The following CACNA1E variants were observed in gnomAD, a reference collection of about 807,000 sequenced individuals.
CACNA1E encodes the protein voltage-dependent R-type calcium channel subunit alpha-1E.
Under a neutral mutation model 259.2 loss-of-function variants are expected in CACNA1E, and 40 were observed. The ratio of observed to expected loss-of-function variants is 0.15; its 90% CI spans 0.12 to 0.20. CACNA1E has a LOEUF of 0.20. Among genes scored for constraint, CACNA1E ranks in the 10% least tolerant of loss-of-function variants. CACNA1E has a pLI of 1.00. For synonymous variants in CACNA1E, 1,104 were observed against 1,138.5 expected (o/e 0.97, Z 0.61); for missense variants, 1,874 against 3,040.1 (o/e 0.62, Z 9.02).
intron 7 of CACNA1E, among the ~76,000 whole-genome samples, chr1:181,703,114 C>A (rs1652440177): frequency 6.6e-6 from 1 of 152,052 alleles, no homozygotes; most frequent in Non-Finnish European, 1.5e-5. Flanking sequence ...GCTGCTATAT[C>A]CTCATATTCT....
At chr1:181,487,736 C>G (rs967183509) in intron 1 of CACNA1E, among the ~76,000 whole-genome samples, 3 of 151,634 alleles carry the variant, frequency 2.0e-5, no homozygotes, top group Admixed American at 2.0e-4. Context: ...ACCCTGTGGG[C>G]CATACAGCAT....
At chr1:181,679,702 TGGCTGGGCTAACAGCAGGCCA>T (rs1466550432) in intron 7 of CACNA1E, among the ~76,000 whole-genome samples, 2 of 152,164 alleles carry the variant, frequency 1.3e-5, no homozygotes, top group African/African-American at 4.8e-5. Flanking sequence ...CTCCTGTCAG[TGGCTGGGCTAACAGCAGGCCA>T]GGCTGGACAG....
At chr1:181,445,270 A>T (rs1196761700) in intron 2 of CACNA1E, among the ~76,000 whole-genome samples, 2 of 152,264 alleles carry the variant, frequency 1.3e-5, no homozygotes, top group Admixed American at 1.3e-4. Context: ...GAAAACAAAG[A>T]TTAAAATACA....
chr1:181,401,510 G>T (rs1338313287), intron 1 of CACNA1E, among the ~76,000 whole-genome samples: 1 of 152,138 alleles, frequency 6.6e-6, no homozygotes, highest in Non-Finnish European at 1.5e-5. Flanking sequence ...TAAGTAAATG[G>T]TTGAATGAAT....
chr1:181,444,096 C>A (rs1660658579), intron 2 of CACNA1E, among the ~76,000 whole-genome samples: 1 of 152,152 alleles, frequency 6.6e-6, no homozygotes, highest in South Asian at 2.1e-4. Flanking sequence ...TATTTTTTCT[C>A]ACTCTTTTGC....
At chr1:181,797,319 C>T (rs147108938) in intron 47 of CACNA1E, among the ~76,000 whole-genome samples, 1 of 152,202 alleles carries the variant, frequency 6.6e-6, no homozygotes, top group African/African-American at 2.4e-5. Flanking sequence ...TTTGCTGAAC[C>T]ACCAGCTTGG....
intron 1 of CACNA1E, among the ~76,000 whole-genome samples, chr1:181,386,524 G>C (rs1286845970): frequency 6.6e-6 from 1 of 152,194 alleles, no homozygotes; most frequent in Non-Finnish European, 1.5e-5. Context: ...GGACAATCAG[G>C]ATCAGAGCCA....
Position 181,539,304 on chromosome 1 carries a change from A to G in CACNA1E, c.512+27794A>G, listed in dbSNP as rs12061453. On this transcript the variant is annotated intron_variant, in intron 3 of 47. Transcript: ENST00000367573. ...GAAGGCAGGGGTTGTATTGTATTCTATTTGAACTCCTTGTGTGCCTGGCAC... is the reference window on the plus strand; with the variant it reads ...GAAGGCAGGGGTTGTATTGTATTCTGTTTGAACTCCTTGTGTGCCTGGCAC... Among the ~76,000 whole-genome samples, 543 of 152,312 alleles carry G rather than the reference A, an allele frequency of 3.6e-3. 3 individuals are homozygous for G. The highest frequency in any genetic ancestry group is 0.012 in the African/African-American group (515 of 41,578).
At chr1:181,367,108 G>A (rs1054159373) in intron 1 of CACNA1E, among the ~76,000 whole-genome samples, 2 of 152,158 alleles carry the variant, frequency 1.3e-5, no homozygotes, top group Non-Finnish European at 1.5e-5. Context: ...ACACCTCTGC[G>A]TCTCCTACCT....
chr1:181,629,507 T>C (rs1656498629), intron 6 of CACNA1E, among the ~76,000 whole-genome samples: 1 of 152,138 alleles, frequency 6.6e-6, no homozygotes, highest in Admixed American at 6.5e-5. Context: ...ATATTTTCAG[T>C]TTTAGTGGGA....
intron 6 of CACNA1E, among the ~76,000 whole-genome samples, chr1:181,645,324 CGGG>C (rs1658168120): frequency 6.6e-6 from 1 of 152,054 alleles, no homozygotes; most frequent in Admixed American, 6.6e-5. Context: ...TGACAAAATC[CGGG>C]GTACCTTTAT....
intron 45 of CACNA1E, 50 bp downstream of exon 45, chr1:181,793,843 C>A: frequency 6.3e-7 from 1 of 1,579,912 alleles, no homozygotes; most frequent in Non-Finnish European, 8.6e-7. Flanking sequence ...GCTGTATTAG[C>A]TGGGTTATGG....
upstream of CACNA1E, among the ~76,000 whole-genome samples, chr1:181,479,703 GTA>G (rs916259864): frequency 1.6e-4 from 25 of 152,174 alleles, no homozygotes; most frequent in African/African-American, 6.0e-4. Context: ...TAGTGTCATT[GTA>G]TAGTTTCTTC....
At position 181,799,545 on chromosome 1, in the gene CACNA1E, C is replaced by A. The variant is rs1662116744; in HGVS notation, c.*711C>A. Reference sequence around the variant, plus strand: ...AACTGGTGGTGCTGGGGGGTATAGCCCCCCATCCTTGAGGCCTGTCACCCA... The same window carrying A: ...AACTGGTGGTGCTGGGGGGTATAGCACCCCATCCTTGAGGCCTGTCACCCA... On this transcript the variant is annotated 3_prime_UTR_variant, in exon 48 of 48. Transcript: ENST00000367573. 6.5e-6 allele frequency: 1 copy of A among 152,732 alleles called. No homozygotes were observed. Among genetic ancestry groups the A allele is most frequent in the Admixed American group, 6.5e-5 (1 of 15,286 alleles). The allele number at this position is 152,732 out of a possible 1,614,324, so 9.5% of individuals were successfully genotyped here. A position where few individuals can be genotyped will look rare whatever the true frequency, so the allele number is the denominator to read the frequency against.
intron 22 of CACNA1E, 26 bp from the exon 23 acceptor site, chr1:181,737,499 A>G (rs1656152961): frequency 6.2e-7 from 1 of 1,612,554 alleles, no homozygotes; most frequent in African/African-American, 1.3e-5. Context: ...GGAGTGGGCC[A>G]GCTCAGCCAT....
intron 7 of CACNA1E, among the ~76,000 whole-genome samples, chr1:181,704,054 A>G (rs926265290): frequency 1.3e-5 from 2 of 152,226 alleles, no homozygotes; most frequent in Non-Finnish European, 2.9e-5. Context: ...GAGCATTTGC[A>G]TCACCCATCC....
At chr1:181,581,235 C>A (rs1197102841) in intron 6 of CACNA1E, among the ~76,000 whole-genome samples, 4 of 152,060 alleles carry the variant, frequency 2.6e-5, no homozygotes, top group Non-Finnish European at 4.4e-5. Context: ...ACCAACTGAG[C>A]TCCATCCCAC....
intron 37 of CACNA1E, among the ~76,000 whole-genome samples, chr1:181,773,981 CA>C (rs1483048798): frequency 1.3e-5 from 2 of 152,192 alleles, no homozygotes; most frequent in East Asian, 3.8e-4. Context: ...ACAAGTCACA[CA>C]GCTTCTCAAC....
chr1:181,649,109 C>T (rs1658535703), intron 6 of CACNA1E, among the ~76,000 whole-genome samples: 1 of 152,194 alleles, frequency 6.6e-6, no homozygotes, highest in Non-Finnish European at 1.5e-5. Flanking sequence ...CGGCTTCCTA[C>T]CTCCCTTAAA....
Sources: gnomAD v4.1 joint callset for allele counts (sites outside exome capture counted in the v4.1 genomes callset) on GRCh38, gnomAD v4.1.1 for gene constraint, MANE v1.5 for transcripts, NCBI Gene and HGNC (gene_info 2026-07-23, HGNC 2026-07-21) for gene names.